The following SCYL3 variants were observed in gnomAD, a reference collection of about 807,000 sequenced individuals.
SCYL3 encodes SCY1 like pseudokinase 3.
A neutral mutation model predicts 73.8 loss-of-function variants in SCYL3; 35 were observed. That is an observed-to-expected ratio of 0.47 (90% CI 0.36 to 0.63). The LOEUF is 0.63. SCYL3 is among the 20% of genes least tolerant of loss of function. SCYL3 has a pLI of 0.00. For missense variants in SCYL3, 712 were observed against 798.9 expected (o/e 0.89, Z 1.31); for synonymous variants, 277 against 295.2 (o/e 0.94, Z 0.63).
intron 2 of SCYL3, among the ~76,000 whole-genome samples, chr1:169,879,162 T>G (rs946441923): frequency 6.6e-6 from 1 of 152,098 alleles, no homozygotes; most frequent in Non-Finnish European, 1.5e-5. Context: ...GCAAACAGAT[T>G]ATGGAGGGGA....
rs16862716 is a variant in SCYL3 at position 169,853,709 on chromosome 1, A to G, written c.*4T>C. Reference sequence around the variant, plus strand: ...TTTTCCTAAAGTTTAACTCACATCTATTGTCACCAGTTATTATCTTCCCAG... The same window carrying G: ...TTTTCCTAAAGTTTAACTCACATCTGTTGTCACCAGTTATTATCTTCCCAG... On this transcript the variant is annotated 3_prime_UTR_variant, in exon 13 of 13. Transcript: ENST00000367771. 1.3e-3 allele frequency: 2,159 copies of G among 1,613,384 alleles called. 24 individuals carry two copies. The African/African-American group carries it at 0.025, about 18-fold the overall frequency.
Position 169,851,607 on chromosome 1 carries a change from G to GACA in SCYL3, c.*2103_*2105dup. 1 of 611,118 alleles carries GACA rather than the reference G, an allele frequency of 1.6e-6. No homozygotes were observed. The highest frequency in any genetic ancestry group is 2.7e-6 in the Non-Finnish European group (1 of 364,684). 37.9% of individuals were successfully genotyped at this position (611,118 alleles called of 1,614,324 possible). On this transcript the variant is annotated 3_prime_UTR_variant, in exon 13 of 13. Coordinates refer to ENST00000367771, the MANE Select transcript of SCYL3 (RefSeq NM_020423.7). ...GCAGACTATCATTTTTTCCTGCAAA[G>GACA]ACAACTCTATAACTAACTATTTTGT...
chr1:169,864,250 G>A lies in SCYL3; in HGVS notation c.955+119C>T, dbSNP rs1659867778. ...GTTATCACATCAGGGGCCAACAATTGTTCTCCGTTTTTAGAACCAAACATT... is the reference window on the plus strand; with the variant it reads ...GTTATCACATCAGGGGCCAACAATTATTCTCCGTTTTTAGAACCAAACATT... On this transcript the variant is annotated intron_variant, in intron 9 of 12. Transcript: ENST00000367771. The A allele has an allele frequency of 4.5e-6, 6 of 1,333,512 alleles. No homozygotes were observed. The African/African-American group carries it at 5.8e-5, about 13-fold the overall frequency. The allele number at this position is 1,333,512 out of a possible 1,614,324, so 82.6% of individuals were successfully genotyped here. A position where few individuals can be genotyped will look rare whatever the true frequency, so the allele number is the denominator to read the frequency against.
chr1:169,887,339 T>C (rs905806350), intron 2 of SCYL3, among the ~76,000 whole-genome samples: 1 of 152,184 alleles, frequency 6.6e-6, no homozygotes, highest in African/African-American at 2.4e-5. Context: ...TCTTGCTGTT[T>C]TTTCCTTTAA....
chr1:169,864,508 T>C lies in SCYL3; in HGVS notation c.816A>G (p.Lys272=). ...KSEEEKTEFF[K]FLLDRVSCLS... ...AGCAGCTGACTCTGTCCAGCAGAAA[T>C]CTGAGGACAAAAAGGGAAAGCCCAG... The change falls in exon 9 of 13, where the codon AAA becomes AAG. Residue 272 remains lysine (K), a splice_region_variant and synonymous_variant. Transcript: ENST00000367771. 2 of 1,585,746 alleles carry C rather than the reference T, an allele frequency of 1.3e-6. No homozygotes were observed. Among genetic ancestry groups the C allele is most frequent in the Non-Finnish European group, 1.7e-6 (2 of 1,170,458 alleles).
In SCYL3 at chr1:169,850,500, G is replaced by C. The variant is rs1657990414; in HGVS notation, c.*3213C>G. 3 of 572,302 alleles carry C rather than the reference G, an allele frequency of 5.2e-6. No individual in the cohort carries two copies. The highest frequency in any genetic ancestry group is 5.7e-5 in the East Asian group (2 of 34,844). 35.5% of individuals were successfully genotyped at this position (572,302 alleles called of 1,614,324 possible). On this transcript the variant is annotated 3_prime_UTR_variant, in exon 13 of 13. Transcript: ENST00000367771. ...CTTTTACTAAGCAATTGAGGCCACA[G>C]AAGTAAAACACTTGGGGCCAGGCGC...
intron 5 of SCYL3, among the ~76,000 whole-genome samples, chr1:169,871,046 A>G (rs549294015): frequency 1.3e-5 from 2 of 152,100 alleles, no homozygotes; most frequent in African/African-American, 2.4e-5. Context: ...CACTCTTAAT[A>G]ATCATTCTTC....
Position 169,850,632 on chromosome 1 carries a change from C to T in SCYL3, c.*3081G>A. ...CCAACATGGGGAAACCCTGTTTCTA[C>T]TAAAAATACAAAAATTAGCCGGGCA... On this transcript the variant is annotated 3_prime_UTR_variant, in exon 13 of 13. Transcript: ENST00000367771. 4.3e-6 allele frequency: 1 copy of T among 229,906 alleles called. No individual in the cohort carries two copies. 14.2% of individuals were successfully genotyped at this position (229,906 alleles called of 1,614,324 possible).
chr1:169,852,728 C>T lies in SCYL3; in HGVS notation c.*985G>A. 6.4e-7 allele frequency: 1 copy of T among 1,553,770 alleles called. No individual in the cohort carries two copies. Among genetic ancestry groups the T allele is most frequent in the Admixed American group, 1.8e-5 (1 of 56,602 alleles). On this transcript the variant is annotated 3_prime_UTR_variant, in exon 13 of 13. Coordinates refer to ENST00000367771, the MANE Select transcript of SCYL3 (RefSeq NM_020423.7). ...TTTGCATGTAAGCTTTACTCCAGTCCAAAAGGAAGGTTCTTTATATTTAGA... is the reference window on the plus strand; with the variant it reads ...TTTGCATGTAAGCTTTACTCCAGTCTAAAAGGAAGGTTCTTTATATTTAGA...
chr1:169,886,202 G>A (rs564770125), intron 2 of SCYL3, among the ~76,000 whole-genome samples: 4 of 152,092 alleles, frequency 2.6e-5, no homozygotes, highest in South Asian at 4.2e-4. Context: ...TCCCAGCTAC[G>A]TGGGATGCTG....
intron 4 of SCYL3, among the ~76,000 whole-genome samples, chr1:169,875,004 C>T (rs1660695566): frequency 1.3e-5 from 2 of 152,134 alleles, no homozygotes; most frequent in South Asian, 4.1e-4. Context: ...GGCCTTATAT[C>T]CCATGGCAAA....
intron 2 of SCYL3, among the ~76,000 whole-genome samples, chr1:169,879,295 G>A (rs1661078580): frequency 6.6e-6 from 1 of 152,202 alleles, no homozygotes; most frequent in African/African-American, 2.4e-5. Flanking sequence ...GGTGCTAAAA[G>A]TCCAGTAAAA....
Position 169,851,654 on chromosome 1 carries a change from AT to A in SCYL3, c.*2058del. ...TTGTAAGGAAGAACACAGTAGAGTG[AT>A]TTAATCCAGATTATACTAAGAGTAT... is the stretch of plus-strand genomic sequence containing the variant. On this transcript the variant is annotated 3_prime_UTR_variant, in exon 13 of 13. Coordinates refer to ENST00000367771, the MANE Select transcript of SCYL3 (RefSeq NM_020423.7). 1 of 802,280 alleles carries A rather than the reference AT, an allele frequency of 1.2e-6. No homozygotes were observed. Among genetic ancestry groups the A allele is most frequent in the Non-Finnish European group, 2.0e-6 (1 of 510,866 alleles). The allele number at this position is 802,280 out of a possible 1,614,324, so 49.7% of individuals were successfully genotyped here.
In SCYL3 at chr1:169,850,252, A is replaced by C. The variant is rs754765120; in HGVS notation, c.*3461T>G. On this transcript the variant is annotated 3_prime_UTR_variant, in exon 13 of 13. Transcript: ENST00000367771. ...AATGTTAAAATTGGTCTTGTTCATC[A>C]ATTTTTTAATAGGGAACAAATCATG... 6.9e-6 allele frequency: 11 copies of C among 1,584,414 alleles called. No individual in the cohort carries two copies. In the African/African-American group the frequency reaches 1.5e-4, roughly 21 times the overall value.
chr1:169,857,855 C>G (rs573791330), intron 11 of SCYL3, among the ~76,000 whole-genome samples: 1 of 152,134 alleles, frequency 6.6e-6, no homozygotes, highest in Non-Finnish European at 1.5e-5. Context: ...TAAACTGATA[C>G]AGCATGTTAC....
intron 12 of SCYL3, 85 bp from the exon 13 acceptor site, chr1:169,853,857 A>G: frequency 1.4e-6 from 2 of 1,475,924 alleles, no homozygotes; most frequent in Non-Finnish European, 1.9e-6. Flanking sequence ...GCAGGAATTT[A>G]AAATTTATCT....
chr1:169,853,070 C>T lies in SCYL3; in HGVS notation c.*643G>A. ...TGTACATTTTCTAACAGATATAAAACAAATTTTGTAAAGTTGAATCTAGTG... is the reference window on the plus strand; with the variant it reads ...TGTACATTTTCTAACAGATATAAAATAAATTTTGTAAAGTTGAATCTAGTG... On this transcript the variant is annotated 3_prime_UTR_variant, in exon 13 of 13. Coordinates refer to ENST00000367771, the MANE Select transcript of SCYL3 (RefSeq NM_020423.7). 7.4e-7 allele frequency: 1 copy of T among 1,355,458 alleles called. No individual in the cohort carries two copies. The highest frequency in any genetic ancestry group is 1.0e-6 in the Non-Finnish European group (1 of 967,290). The allele number at this position is 1,355,458 out of a possible 1,614,324, so 84.0% of individuals were successfully genotyped here. A position where few individuals can be genotyped will look rare whatever the true frequency, so the allele number is the denominator to read the frequency against.
intron 1 of SCYL3, among the ~76,000 whole-genome samples, chr1:169,891,310 T>C (rs1163099199): frequency 6.6e-6 from 1 of 152,194 alleles, no homozygotes; most frequent in Non-Finnish European, 1.5e-5. Flanking sequence ...GGCACATTAC[T>C]ACTATCCATC....
rs1215420608 is a variant in SCYL3 at position 169,863,968 on chromosome 1, G to C, written c.955+401C>G. On this transcript the variant is annotated intron_variant, in intron 9 of 12. Transcript: ENST00000367771. ...TTCACATTCGTAAAAAAAACTTGAAGCCCCAGGAAGTAAAATGATCTCAGT... is the reference window on the plus strand; with the variant it reads ...TTCACATTCGTAAAAAAAACTTGAACCCCCAGGAAGTAAAATGATCTCAGT... Among the ~76,000 whole-genome samples the C allele has an allele frequency of 2.0e-5, 3 of 152,058 alleles. No individual in the cohort carries two copies. The East Asian group carries it at 5.8e-4, about 29-fold the overall frequency.
Sources: allele counts gnomAD v4.1 joint callset (sites outside exome capture counted in the v4.1 genomes callset), GRCh38; gene constraint gnomAD v4.1.1; transcripts MANE v1.5; gene names NCBI Gene and HGNC (gene_info 2026-07-23, HGNC 2026-07-21).